The following VILL variants were observed in gnomAD, a reference collection of about 807,000 sequenced individuals.
The protein encoded by VILL is villin like.
VILL carries 102 observed loss-of-function variants against 106.3 expected under a neutral mutation model. That is an observed-to-expected ratio of 0.96 (90% confidence interval 0.82 to 1.13). The LOEUF is 1.13. VILL is among the 50% of genes most tolerant of loss of function. VILL has a pLI of 0.00. For synonymous variants in VILL, 431 were observed against 440.3 expected (o/e 0.98, Z 0.27); for missense variants, 1,076 against 1,116.6 (o/e 0.96, Z 0.52).
intron 11 of VILL, 93 bp from the exon 12 acceptor site, chr3:38,001,363 A>G (rs1049178313): frequency 2.6e-6 from 4 of 1,562,844 alleles, no homozygotes; most frequent in Non-Finnish European, 2.6e-6. Context: ...GGAAGGCCTC[A>G]GAGGCTGGGG....
chr3:37,990,777 AGGCCTAGCACTGCCCACAGGCAG>A (rs1377298519), exon 1 of VILL: 1 of 152,586 alleles, frequency 6.6e-6, no homozygotes, highest in Non-Finnish European at 1.5e-5. This position sits in a 1 kb window ranked among gnomAD's most constrained non-coding sequence, Gnocchi z 5.1. Flanking sequence ...GCCCCGTGCC[AGGCCTAGCACTGCCCACAGGCAG>A]GGCGAAGGCG....
rs1193655017 is a variant in VILL, at chr3:37,997,711, G to A, written c.764+26G>A. ...GTGAGTACCCCTGGGGTGGGCAGGG[G>A]TGGGTGGGACAGTCCAGGACTCTGT... On this transcript the variant is annotated intron_variant, in intron 7 of 19. Transcript: ENST00000383759. This position sits in a 1 kb window ranked among gnomAD's most constrained non-coding sequence, Gnocchi z 4.7. 1.9e-5 allele frequency: 29 copies of A among 1,495,948 alleles called. No homozygotes were observed. The Admixed American group carries it at 4.4e-4, about 23-fold the overall frequency. The allele number at this position is 1,495,948 out of a possible 1,614,324, so 92.7% of individuals were successfully genotyped here. A position where few individuals can be genotyped will look rare whatever the true frequency, so the allele number is the denominator to read the frequency against.
At chr3:37,992,378 T>G (rs951379233) in intron 1 of VILL, among the ~76,000 whole-genome samples, 2 of 152,124 alleles carry the variant, frequency 1.3e-5, no homozygotes, top group African/African-American at 4.8e-5. Flanking sequence ...TGCCTGTCAC[T>G]CATGTCATTG....
In VILL at chr3:37,998,862, G is replaced by T; in HGVS notation, c.943-50G>T. 6.4e-7 allele frequency: 1 copy of T among 1,558,158 alleles called. No homozygotes were observed. Among genetic ancestry groups the T allele is most frequent in the Non-Finnish European group, 8.7e-7 (1 of 1,144,536 alleles). Reference sequence around the variant, plus strand: ...GCGGTAGGTCCCCAGGAGCGGCAGTGGGGCAGTGGACTCTCAGGGTCGCAG... The same window carrying T: ...GCGGTAGGTCCCCAGGAGCGGCAGTTGGGCAGTGGACTCTCAGGGTCGCAG... On this transcript the variant is annotated intron_variant, in intron 9 of 19. Transcript: ENST00000383759. The surrounding 1 kb of genome is among the most constrained non-coding windows in gnomAD (Gnocchi z 4.1).
At chr3:37,989,909 GAC>G (rs1235961231), upstream of VILL, among the ~76,000 whole-genome samples, 3 of 152,312 alleles carry the variant, frequency 2.0e-5, no homozygotes, top group East Asian at 3.9e-4. Context: ...GGTCTTGCTG[GAC>G]ACAGACTGCC....
In VILL at chr3:37,993,918, AC is replaced by A; in HGVS notation, c.84del (p.Glu29ArgfsTer92). On this transcript the variant is annotated frameshift_variant, in exon 3 of 20. Transcript: ENST00000383759. LOFTEE classifies it high-confidence loss of function. ...CCCAGAACCGGAAGATGGTGCCGGT[AC>A]CCGAGGGGGCTTACGGGAACTTTTT... ...ISENRKMVPV[P>X]EGAYGNFFEE... is the part of the protein sequence containing the mutation. 2 of 1,614,164 alleles carry A rather than the reference AC, an allele frequency of 1.2e-6. No individual in the cohort carries two copies. The highest frequency in any genetic ancestry group is 8.5e-7 in the Non-Finnish European group (1 of 1,180,032).
At chr3:37,990,021 C>T (rs1197138974), upstream of VILL, among the ~76,000 whole-genome samples, 3 of 152,188 alleles carry the variant, frequency 2.0e-5, no homozygotes, top group Non-Finnish European at 4.4e-5. The surrounding 1 kb of genome is among the most constrained non-coding windows in gnomAD (Gnocchi z 5.1). Flanking sequence ...GCTTTAGCAG[C>T]GTGGCTTTGA....
chr3:37,994,217 T>C, intron 3 of VILL, 44 bp from the exon 4 acceptor site: 2 of 1,561,546 alleles, frequency 1.3e-6, no homozygotes, highest in Non-Finnish European at 1.7e-6. Context: ...CACCCGCACC[T>C]CCGTCTTCCC....
chr3:38,004,494 A>G (rs769933188), intron 16 of VILL, 95 bp downstream of exon 16: 20 of 1,492,288 alleles, frequency 1.3e-5, no homozygotes, highest in Non-Finnish European at 1.8e-5. Flanking sequence ...CTGCCTCTGT[A>G]CACAGGGCTG....
At chr3:37,995,713 A>G in intron 4 of VILL, 26 bp from the exon 5 acceptor site, 1 of 1,582,318 alleles carries the variant, frequency 6.3e-7, no homozygotes, top group South Asian at 1.1e-5. Flanking sequence ...CAGAATGTAT[A>G]TACCCTCCTG....
In VILL at chr3:37,998,216, C is replaced by T; in HGVS notation, c.843+48C>T. 1.2e-6 allele frequency: 2 copies of T among 1,613,812 alleles called. No individual in the cohort carries two copies. Among genetic ancestry groups the T allele is most frequent in the Non-Finnish European group, 1.7e-6 (2 of 1,179,732 alleles). On this transcript the variant is annotated intron_variant, in intron 8 of 19. Coordinates refer to ENST00000383759, the MANE Select transcript of VILL (RefSeq NM_015873.4). This position sits in a 1 kb window ranked among gnomAD's most constrained non-coding sequence, Gnocchi z 4.1. The stretch of plus-strand genomic sequence containing the variant: ...TACTTGCATCCTTCCCCATCCACAA[C>T]CCCAGCCCAGTCTGGACCACCTACT...
intron 11 of VILL, 117 bp downstream of exon 11, chr3:37,999,556 G>A (rs1699776536): frequency 4.5e-6 from 3 of 663,182 alleles, no homozygotes; most frequent in Non-Finnish European, 7.2e-6. Context: ...ACACAATCAG[G>A]GACACAAAGG....
chr3:37,999,587 C>T (rs1409322424), intron 11 of VILL, 148 bp downstream of exon 11: 1 of 566,102 alleles, frequency 1.8e-6, no homozygotes, highest in Non-Finnish European at 2.9e-6. Context: ...CATTTACATA[C>T]TCTCCTAGCA....
Position 37,994,085 on chromosome 3 carries a change from T to A in VILL, c.135+113T>A, listed in dbSNP as rs906577881. The A allele has an allele frequency of 7.5e-6, 11 of 1,476,452 alleles. No homozygotes were observed. In the African/African-American group the frequency reaches 1.5e-4, roughly 21 times the overall value. The allele number at this position is 1,476,452 out of a possible 1,614,324, so 91.5% of individuals were successfully genotyped here. ...AAGCGGCAAGTTGAGAGCCGGAGAA[T>A]CACATCCCACAAGGGGGCGGTTACC... On this transcript the variant is annotated intron_variant, in intron 3 of 19. Coordinates refer to ENST00000383759, the MANE Select transcript of VILL (RefSeq NM_015873.4).
rs1261499083 is a variant in VILL, at chr3:37,998,899, C to T, written c.943-13C>T. The T allele has an allele frequency of 6.3e-7, 1 of 1,583,928 alleles. No homozygotes were observed. Among genetic ancestry groups the T allele is most frequent in the Admixed American group, 1.7e-5 (1 of 58,960 alleles). On this transcript the variant is annotated splice_polypyrimidine_tract_variant and intron_variant, in intron 9 of 19. Transcript: ENST00000383759. This position sits in a 1 kb window ranked among gnomAD's most constrained non-coding sequence, Gnocchi z 4.1. The stretch of plus-strand genomic sequence containing the variant: ...TCTCAGGGTCGCAGGACTGACGATG[C>T]CTTCCGCCCCAGGGCTTCATCCAGG...
chr3:37,994,098 G>A, intron 3 of VILL, 126 bp downstream of exon 3: 15 of 1,443,548 alleles, frequency 1.0e-5, no homozygotes, highest in Non-Finnish European at 1.5e-5. Context: ...CATCCCACAA[G>A]GGGGCGGTTA....
In VILL at chr3:38,000,624, C is replaced by T. The variant is rs562104920; in HGVS notation, c.1183-832C>T. ...AAGCACAAAGTCAGGGACAGGATCC[C>T]TCCTGGTAGGCAGTGGACAGGCAGG... On this transcript the variant is annotated intron_variant, in intron 11 of 19. Transcript: ENST00000383759. 2.6e-5 allele frequency among the ~76,000 whole-genome samples: 4 copies of T among 152,254 alleles called. No individual in the cohort carries two copies. In the South Asian group the frequency reaches 8.3e-4, roughly 32 times the overall value.
At chr3:38,002,956 C>G (rs537355367) in intron 14 of VILL, 5 of 612,932 alleles carry the variant, frequency 8.2e-6, no homozygotes, top group African/African-American at 5.5e-5. Context: ...TGCTCTGGAC[C>G]CTGCGAGGGT....
chr3:37,997,697 T>TTG lies in VILL; in HGVS notation c.764+12_764+13insTG. On this transcript the variant is annotated intron_variant, in intron 7 of 19. Coordinates refer to ENST00000383759, the MANE Select transcript of VILL (RefSeq NM_015873.4). The surrounding 1 kb of genome is among the most constrained non-coding windows in gnomAD (Gnocchi z 4.7). ...GTTCGCCTGTACCAGTGAGTACCCC[T>TTG]GGGGTGGGCAGGGGTGGGTGGGACA... 1.5e-6 allele frequency: 1 copy of TTG among 672,554 alleles called. No homozygotes were observed. Among genetic ancestry groups the TTG allele is most frequent in the South Asian group, 1.4e-5 (1 of 72,812 alleles). 41.7% of individuals were successfully genotyped at this position (672,554 alleles called of 1,614,324 possible).
Sources: allele counts gnomAD v4.1 joint callset (sites outside exome capture counted in the v4.1 genomes callset), GRCh38; gene constraint gnomAD v4.1.1; non-coding constraint Gnocchi (gnomAD v3.1); transcripts MANE v1.5; gene names NCBI Gene and HGNC (gene_info 2026-07-23, HGNC 2026-07-21).